Variants in PRRG4 observed in about 807,000 individuals in gnomAD.
PRRG4 encodes the protein proline rich and Gla domain 4, also known as transmembrane gamma-carboxyglutamic acid protein 4.
In PRRG4, 12 loss-of-function variants were observed where a neutral mutation model predicts 20.0. That is an observed-to-expected ratio of 0.60 (90% CI 0.38 to 0.97). The LOEUF (loss-of-function observed/expected upper bound fraction) is 0.97, where lower values mean the gene tolerates loss of function less well. Among genes scored for constraint, PRRG4 ranks in the 50% least tolerant of loss-of-function variants. The probability of loss-of-function intolerance (pLI) is 0.00; values close to 1 mark genes in which losing one functional copy is unlikely to be tolerated. For synonymous variants in PRRG4, 94 were observed against 96.4 expected (o/e 0.98, Z 0.15); for missense variants, 199 against 265.1 (o/e 0.75, Z 1.73).
At chr11:32,836,241 A>G (rs1851018603) in intron 2 of PRRG4, among the ~76,000 whole-genome samples, 3 of 152,224 alleles carry the variant, frequency 2.0e-5, no homozygotes, top group Non-Finnish European at 4.4e-5. Flanking sequence ...AACTTAAGCT[A>G]AATCAGAACA....
Position 32,856,029 on chromosome 11 carries a change from CAG to C in PRRG4, c.*2504_*2505del, listed in dbSNP as rs1169733833. 7.9e-5 allele frequency: 12 copies of C among 152,202 alleles called. No individual in the cohort carries two copies. Among genetic ancestry groups the C allele is most frequent in the African/African-American group, 2.6e-4 (11 of 41,516 alleles). The allele number at this position is 152,202 out of a possible 1,614,324, so 9.4% of individuals were successfully genotyped here. A position where few individuals can be genotyped will look rare whatever the true frequency, so the allele number is the denominator to read the frequency against. On this transcript the variant is annotated 3_prime_UTR_variant, in exon 6 of 6. Coordinates refer to ENST00000257836, the MANE Select transcript of PRRG4 (RefSeq NM_024081.6). Reference sequence around the variant, plus strand: ...CTTGTACATAATTCTAAGTTTGGGACAGAAATTTACAAGCATTTCTCATATAT... The same window carrying C: ...CTTGTACATAATTCTAAGTTTGGGACAAATTTACAAGCATTTCTCATATAT...
intron 5 of PRRG4, among the ~76,000 whole-genome samples, chr11:32,846,279 G>C (rs1269745402): frequency 6.6e-6 from 1 of 152,204 alleles, no homozygotes; most frequent in Non-Finnish European, 1.5e-5. Flanking sequence ...CAAAGTGCTA[G>C]GATTACAGGC....
chr11:32,843,521 T>C (rs750750780), intron 5 of PRRG4, among the ~76,000 whole-genome samples: 3 of 151,900 alleles, frequency 2.0e-5, no homozygotes, highest in Non-Finnish European at 4.4e-5. Context: ...ATATTTTATG[T>C]TTTCAAAAGA....
intron 3 of PRRG4, among the ~76,000 whole-genome samples, chr11:32,837,544 T>C (rs9783357): frequency 2.5e-5 from 2 of 81,264 alleles, no homozygotes; most frequent in African/African-American, 9.9e-5. Context: ...TGATGATGAT[T>C]ATTATTATTA....
chr11:32,830,285 T>C (rs1389165554), intron 1 of PRRG4, 112 bp downstream of exon 1: 4 of 896,092 alleles, frequency 4.5e-6, no homozygotes, highest in Middle Eastern at 4.0e-4. Flanking sequence ...CGGCGACAGG[T>C]GCCCGATCAG....
At chr11:32,843,511 A>G (rs746397923) in intron 5 of PRRG4, among the ~76,000 whole-genome samples, 2 of 151,856 alleles carry the variant, frequency 1.3e-5, no homozygotes, top group Non-Finnish European at 2.9e-5. Context: ...ACCTAATAAC[A>G]TATTTTATGT....
chr11:32,843,768 G>T (rs1851102012), intron 5 of PRRG4, among the ~76,000 whole-genome samples: 1 of 148,798 alleles, frequency 6.7e-6, no homozygotes. Flanking sequence ...GAAGTTCTGT[G>T]CCCAGTGAAC....
chr11:32,830,605 A>C lies in PRRG4; in HGVS notation c.76A>C (p.Lys26Gln). The change falls in exon 2 of 6, where the codon AAG (lysine) becomes CAG (glutamine). Residue 26 changes from lysine (K) to glutamine (Q), a missense_variant. Physicochemically the swap from Lys to Gln is moderately conservative, Grantham distance 53. Coordinates refer to ENST00000257836, the MANE Select transcript of PRRG4 (RefSeq NM_024081.6). ...LGFPHCARGP[K>Q]ASKHAGEEVF... ...GTTTCCTCATTGCGCAAGAGGTCCA[A>C]AGGCTTCTAAGCATGCGGGAGAAGA... The C allele has an allele frequency of 6.2e-7, 1 of 1,613,856 alleles. No homozygotes were observed. The highest frequency in any genetic ancestry group is 8.5e-7 in the Non-Finnish European group (1 of 1,179,930).
intron 5 of PRRG4, 98 bp from the exon 6 acceptor site, chr11:32,853,198 T>G: frequency 1.2e-6 from 1 of 807,668 alleles, no homozygotes; most frequent in Admixed American, 2.1e-5. Flanking sequence ...TACATTGTGT[T>G]TAATGTTTAT....
chr11:32,855,016 A>G lies in PRRG4; in HGVS notation c.*1489A>G, dbSNP rs1342770288. 1 of 152,208 alleles carries G rather than the reference A, an allele frequency of 6.6e-6. No individual in the cohort carries two copies. Among genetic ancestry groups the G allele is most frequent in the Admixed American group, 6.5e-5 (1 of 15,278 alleles). 9.4% of individuals were successfully genotyped at this position (152,208 alleles called of 1,614,324 possible). The stretch of plus-strand genomic sequence containing the variant: ...TCTCTCTGTATAACTACATATGATT[A>G]TTTTGAAATTTGTTAAACTTCATAA... On this transcript the variant is annotated 3_prime_UTR_variant, in exon 6 of 6. Coordinates refer to ENST00000257836, the MANE Select transcript of PRRG4 (RefSeq NM_024081.6).
At position 32,836,764 on chromosome 11, in the gene PRRG4, T is replaced by G; in HGVS notation, c.210T>G (p.Asn70Lys). 1 of 1,613,140 alleles carries G rather than the reference T, an allele frequency of 6.2e-7. No homozygotes were observed. Among genetic ancestry groups the G allele is most frequent in the Non-Finnish European group, 8.5e-7 (1 of 1,179,236 alleles). The change falls in exon 3 of 6, where the codon AAT (asparagine) becomes AAG (lysine). Residue 70 changes from asparagine (N) to lysine (K), a missense_variant. Physicochemically the swap from Asn to Lys is moderately conservative, Grantham distance 94 (BLOSUM62 0). Coordinates refer to ENST00000257836, the MANE Select transcript of PRRG4 (RefSeq NM_024081.6). ...CCGGCAACCTAGAAAGAGAGTGCAA[T>G]GAAGAACTTTGCAATTATGAGGAAG... ...FTPGNLEREC[N>K]EELCNYEEAR...
In PRRG4 at chr11:32,840,403, C is replaced by T. The variant is rs1851066997; in HGVS notation, c.449+164C>T. On this transcript the variant is annotated intron_variant, in intron 5 of 5. Transcript: ENST00000257836. This position sits in a 1 kb window ranked among gnomAD's most constrained non-coding sequence, Gnocchi z 4.1. ...CAAAGGTTAATACAGAGAGTTCCCA[C>T]ATATCCATCACCCAATTTCCCACAT... Among the ~76,000 whole-genome samples, 1 of 152,200 alleles carries T rather than the reference C, an allele frequency of 6.6e-6. No homozygotes were observed. The highest frequency in any genetic ancestry group is 1.5e-5 in the Non-Finnish European group (1 of 68,042).
rs747534990 is a variant in PRRG4, at chr11:32,830,201, C to A, written c.-23+28C>A. 1.7e-3 allele frequency: 1,829 copies of A among 1,068,768 alleles called. 6 individuals are homozygous for A. The highest frequency in any genetic ancestry group is 2.0e-3 in the Non-Finnish European group (1,725 of 883,336). 66.2% of individuals were successfully genotyped at this position (1,068,768 alleles called of 1,614,324 possible). A position where few individuals can be genotyped will look rare whatever the true frequency, so the allele number is the denominator to read the frequency against. Reference sequence around the variant, plus strand: ...ACGAGGCCTGGCGGCAGGACCTCGGCGGGGAGGGGGTTACCTGGAAGGGGC... The same window carrying A: ...ACGAGGCCTGGCGGCAGGACCTCGGAGGGGAGGGGGTTACCTGGAAGGGGC... On this transcript the variant is annotated intron_variant, in intron 1 of 5. Coordinates refer to ENST00000257836, the MANE Select transcript of PRRG4 (RefSeq NM_024081.6).
At chr11:32,838,251 G>A (rs1851042383) in intron 3 of PRRG4, among the ~76,000 whole-genome samples, 1 of 152,070 alleles carries the variant, frequency 6.6e-6, no homozygotes, top group Non-Finnish European at 1.5e-5. Context: ...GAGCCCAGGA[G>A]TTCAAGACCA....
chr11:32,844,568 T>G (rs1851110431), intron 5 of PRRG4, among the ~76,000 whole-genome samples: 1 of 151,768 alleles, frequency 6.6e-6, no homozygotes, highest in Non-Finnish European at 1.5e-5. Flanking sequence ...TGGCATGATC[T>G]CGGCTCACTG....
chr11:32,853,843 A>T lies in PRRG4; in HGVS notation c.*316A>T, dbSNP rs901058357. 5.5e-6 allele frequency: 1 copy of T among 182,204 alleles called. No individual in the cohort carries two copies. The highest frequency in any genetic ancestry group is 2.4e-5 in the African/African-American group (1 of 42,362). 11.3% of individuals were successfully genotyped at this position (182,204 alleles called of 1,614,324 possible). On this transcript the variant is annotated 3_prime_UTR_variant, in exon 6 of 6. Coordinates refer to ENST00000257836, the MANE Select transcript of PRRG4 (RefSeq NM_024081.6). The stretch of plus-strand genomic sequence containing the variant: ...ACTCCATCTCAAAAATAAAATAAAA[A>T]AAGAAAGAAAGAAAAGAAGAAGAAA...
At position 32,840,684 on chromosome 11, in the gene PRRG4, A is replaced by G. The variant is rs1434214505; in HGVS notation, c.449+445A>G. On this transcript the variant is annotated intron_variant, in intron 5 of 5. Coordinates refer to ENST00000257836, the MANE Select transcript of PRRG4 (RefSeq NM_024081.6). The surrounding 1 kb of genome is among the most constrained non-coding windows in gnomAD (Gnocchi z 4.1). ...GCTATTTCTAAGGTCCTTCGAAAGA[A>G]TACAAGAAGTTTCACATAGGTCAGC... 2.6e-5 allele frequency among the ~76,000 whole-genome samples: 4 copies of G among 152,214 alleles called. No homozygotes were observed. Among genetic ancestry groups the G allele is most frequent in the African/African-American group, 9.6e-5 (4 of 41,460 alleles).
At chr11:32,833,492 CA>C (rs1850992807) in intron 2 of PRRG4, among the ~76,000 whole-genome samples, 1 of 152,094 alleles carries the variant, frequency 6.6e-6, no homozygotes, top group Admixed American at 6.5e-5. Flanking sequence ...AGGATCTGGA[CA>C]TATTTGAGAA....
intron 2 of PRRG4, among the ~76,000 whole-genome samples, chr11:32,834,477 C>T (rs1430475783): frequency 6.6e-6 from 1 of 152,140 alleles, no homozygotes; most frequent in African/African-American, 2.4e-5. Flanking sequence ...CCCATTGTAG[C>T]TTCCTGCTTG....
Sources: gnomAD v4.1 joint callset for allele counts (sites outside exome capture counted in the v4.1 genomes callset) on GRCh38, gnomAD v4.1.1 for gene constraint, Gnocchi (gnomAD v3.1) non-coding constraint, MANE v1.5 for transcripts, NCBI Gene and HGNC (gene_info 2026-07-23, HGNC 2026-07-21) for gene names.